Variants in NEGR1 observed in about 807,000 individuals in gnomAD.
The protein encoded by NEGR1 is IgLON family member 4.
Under a neutral mutation model 40.9 loss-of-function variants are expected in NEGR1, and 10 were observed. The observed-to-expected ratio is 0.24, with a 90% CI of 0.15 to 0.42. The LOEUF is 0.42. NEGR1 is among the 10% of genes least tolerant of loss of function. The pLI is 1.00. For synonymous variants in NEGR1, 185 were observed against 166.8 expected (o/e 1.11, Z -0.84); for missense variants, 352 against 438.9 (o/e 0.80, Z 1.77).
intron 1 of NEGR1, among the ~76,000 whole-genome samples, chr1:72,127,463 C>CAA (rs56301492): frequency 0.19 from 7,478 of 39,190 alleles, 1,878 homozygotes; most frequent in Non-Finnish European, 0.22. Flanking sequence ...GGCTCTGTCT[C>CAA]AAAAAAAAAA....
At chr1:71,584,953 C>A (rs1019350354) in intron 6 of NEGR1, among the ~76,000 whole-genome samples, 1 of 152,042 alleles carries the variant, frequency 6.6e-6, no homozygotes. Context: ...ATTCTAGTGC[C>A]TTTTTCATAG....
At chr1:71,699,712 A>G (rs1653617667) in intron 3 of NEGR1, among the ~76,000 whole-genome samples, 1 of 151,864 alleles carries the variant, frequency 6.6e-6, no homozygotes, top group Non-Finnish European at 1.5e-5. Context: ...CAGGGGCAGA[A>G]TAATATGGTA....
At chr1:71,803,081 C>T (rs976566417) in intron 2 of NEGR1, among the ~76,000 whole-genome samples, 1 of 152,094 alleles carries the variant, frequency 6.6e-6, no homozygotes, top group Admixed American at 6.5e-5. Context: ...ATGTTGAAAT[C>T]CTAACCTCCA....
chr1:71,431,282 G>T (rs1646466825), intron 6 of NEGR1, among the ~76,000 whole-genome samples: 1 of 151,890 alleles, frequency 6.6e-6, no homozygotes, highest in African/African-American at 2.4e-5. Flanking sequence ...ACACAAAAAA[G>T]GACAGTTTGA....
intron 1 of NEGR1, among the ~76,000 whole-genome samples, chr1:72,076,632 T>C (rs1647749688): frequency 6.6e-6 from 1 of 151,696 alleles, no homozygotes; most frequent in Non-Finnish European, 1.5e-5. Context: ...TCTACGATAA[T>C]ATAATCAGTC....
intron 2 of NEGR1, among the ~76,000 whole-genome samples, chr1:71,916,061 G>T (rs1479916088): frequency 1.3e-5 from 2 of 152,062 alleles, no homozygotes; most frequent in East Asian, 3.9e-4. Flanking sequence ...TTCCCAGAGG[G>T]TAAGGGTGGG....
chr1:71,905,075 C>A (rs1280571206), intron 2 of NEGR1, among the ~76,000 whole-genome samples: 2 of 151,992 alleles, frequency 1.3e-5, no homozygotes, highest in Non-Finnish European at 2.9e-5. Context: ...GCATTTTTCC[C>A]CCTCAATATG....
At chr1:72,272,808 T>C (rs1160095288) in intron 1 of NEGR1, among the ~76,000 whole-genome samples, 1 of 152,026 alleles carries the variant, frequency 6.6e-6, no homozygotes, top group East Asian at 1.9e-4. Context: ...AGAACAACTT[T>C]GTTCTGGACT....
intron 6 of NEGR1, among the ~76,000 whole-genome samples, chr1:71,507,488 A>G (rs2101410668): frequency 6.6e-6 from 1 of 152,344 alleles, no homozygotes; most frequent in South Asian, 2.1e-4. Flanking sequence ...TCACTAAACA[A>G]GTATGCAAAA....
chr1:71,446,358 A>G (rs951940454), intron 6 of NEGR1, among the ~76,000 whole-genome samples: 2 of 152,198 alleles, frequency 1.3e-5, no homozygotes, highest in Non-Finnish European at 2.9e-5. Flanking sequence ...GAAGAGAGAA[A>G]AAAGCTACAC....
chr1:71,628,303 A>G (rs1650852646), intron 4 of NEGR1, among the ~76,000 whole-genome samples: 1 of 152,058 alleles, frequency 6.6e-6, no homozygotes, highest in Non-Finnish European at 1.5e-5. Flanking sequence ...GCCCAATATC[A>G]GAAACATAGG....
chr1:71,993,602 A>T (rs1472283039), intron 1 of NEGR1, among the ~76,000 whole-genome samples: 4 of 152,224 alleles, frequency 2.6e-5, no homozygotes, highest in African/African-American at 9.6e-5. Flanking sequence ...GTTGGAGAAT[A>T]GCTGAGAAAT....
chr1:72,063,112 T>A (rs1477679488), intron 1 of NEGR1, among the ~76,000 whole-genome samples: 1 of 152,012 alleles, frequency 6.6e-6, no homozygotes, highest in Non-Finnish European at 1.5e-5. Flanking sequence ...CAGTCCCAGT[T>A]TATTTCTGAA....
intron 4 of NEGR1, among the ~76,000 whole-genome samples, chr1:71,637,498 C>A (rs963577899): frequency 6.6e-6 from 1 of 151,748 alleles, no homozygotes; most frequent in African/African-American, 2.4e-5. Flanking sequence ...TATCATGCAA[C>A]CCTATTTCTA....
At chr1:71,737,470 G>A (rs115980710) in intron 3 of NEGR1, among the ~76,000 whole-genome samples, 2 of 151,874 alleles carry the variant, frequency 1.3e-5, no homozygotes, top group Admixed American at 1.3e-4. Flanking sequence ...AAGGAAAAAA[G>A]TAATGAAGCA....
intron 4 of NEGR1, among the ~76,000 whole-genome samples, chr1:71,616,071 T>C (rs1254768493): frequency 6.6e-6 from 1 of 152,222 alleles, no homozygotes; most frequent in East Asian, 1.9e-4. Context: ...ATTTTGTGGG[T>C]ACAGACATGT....
intron 3 of NEGR1, among the ~76,000 whole-genome samples, chr1:71,724,852 T>C (rs1245483871): frequency 6.6e-6 from 1 of 152,056 alleles, no homozygotes; most frequent in African/African-American, 2.4e-5. Context: ...GTACTTTTTC[T>C]TGTGATCTCT....
chr1:71,786,454 T>C (rs192396157), intron 2 of NEGR1, among the ~76,000 whole-genome samples: 381 of 152,266 alleles, frequency 2.5e-3, no homozygotes, highest in Middle Eastern at 6.8e-3. Context: ...GGTAGTTGGA[T>C]AAGTATTCAA....
At chr1:72,172,453 A>T (rs1178532544) in intron 1 of NEGR1, among the ~76,000 whole-genome samples, 1 of 152,156 alleles carries the variant, frequency 6.6e-6, no homozygotes, top group African/African-American at 2.4e-5. Flanking sequence ...TGAGGACATG[A>T]TTGTCTTCTC....
Sources: gnomAD v4.1 joint callset for allele counts (sites outside exome capture counted in the v4.1 genomes callset) on GRCh38, gnomAD v4.1.1 for gene constraint, MANE v1.5 for transcripts, NCBI Gene and HGNC (gene_info 2026-07-23, HGNC 2026-07-21) for gene names.